Variants in SNAP25 observed in about 807,000 individuals in gnomAD.
SNAP25 encodes the protein synaptosome associated protein 25.
A neutral mutation model predicts 28.7 loss-of-function variants in SNAP25; 3 were observed. The ratio of observed to expected loss-of-function variants is 0.10; its 90% CI spans 0.05 to 0.27. The LOEUF (loss-of-function observed/expected upper bound fraction) is 0.27, where lower values mean the gene tolerates loss of function less well. Ranked by LOEUF, SNAP25 falls within the 10% of genes least tolerant of loss-of-function variation. The pLI, the probability that SNAP25 is intolerant of heterozygous loss-of-function variation, is 1.00. For missense variants in SNAP25, 117 were observed against 278.7 expected, an observed-to-expected ratio of 0.42 and a Z score of 4.13; for synonymous variants, 61 against 88.1, an observed-to-expected ratio of 0.69 and a Z score of 1.72.
chr20:10,283,563 G>A (rs2063818585), intron 3 of SNAP25, among the ~76,000 whole-genome samples: 1 of 152,194 alleles, frequency 6.6e-6, no homozygotes, highest in Admixed American at 6.5e-5. Context: ...GTTTATAAAA[G>A]CTCACAGAAA....
chr20:10,219,470 A>G (rs2062582805), intron 1 of SNAP25: 1 of 152,220 alleles, frequency 6.6e-6, no homozygotes, highest in Non-Finnish European at 1.5e-5. Flanking sequence ...TGCTGCAGCG[A>G]CAGCAGCCTC....
intron 1 of SNAP25, among the ~76,000 whole-genome samples, chr20:10,248,041 T>C (rs976110489): frequency 7.2e-5 from 11 of 152,192 alleles, no homozygotes; most frequent in African/African-American, 2.7e-4. Context: ...AGCCTGGGTT[T>C]GTTCACCTAA....
intron 1 of SNAP25, among the ~76,000 whole-genome samples, chr20:10,222,566 G>A (rs890463851): frequency 5.9e-5 from 9 of 152,208 alleles, no homozygotes; most frequent in African/African-American, 1.9e-4. Context: ...GGAGCCTTCT[G>A]TGGAAGGCTT....
Position 10,293,403 on chromosome 20 carries a change from T to C in SNAP25, c.281+125T>C. The C allele has an allele frequency of 1.5e-6, 1 of 680,594 alleles. No homozygotes were observed. The highest frequency in any genetic ancestry group is 1.8e-5 in the South Asian group (1 of 54,822). The allele number at this position is 680,594 out of a possible 1,614,324, so 42.2% of individuals were successfully genotyped here. On this transcript the variant is annotated intron_variant, in intron 5 of 7. Transcript: ENST00000254976. The surrounding 1 kb of genome is among the most constrained non-coding windows in gnomAD (Gnocchi z 5.6). Reference sequence around the variant, plus strand: ...TGGCATGCAGAACAGATCAATACCGTCTCCAATGCATTCATCTCATAGCAT... The same window carrying C: ...TGGCATGCAGAACAGATCAATACCGCCTCCAATGCATTCATCTCATAGCAT...
chr20:10,244,298 C>G (rs1418273106), intron 1 of SNAP25, among the ~76,000 whole-genome samples: 1 of 152,168 alleles, frequency 6.6e-6, no homozygotes, highest in Non-Finnish European at 1.5e-5. Context: ...TAAGTTAGAA[C>G]TTACATTTGG....
intron 1 of SNAP25, among the ~76,000 whole-genome samples, chr20:10,224,325 C>T (rs1014970097): frequency 1.7e-5 from 2 of 117,858 alleles, no homozygotes; most frequent in Non-Finnish European, 3.2e-5. Context: ...GGTAGCAAGG[C>T]CTGAAGGTAA....
rs966624621 is a variant in SNAP25 at position 10,255,654 on chromosome 20, T to C, written c.-63-19775T>C. On this transcript the variant is annotated intron_variant, in intron 1 of 7. Coordinates refer to ENST00000254976, the MANE Select transcript of SNAP25 (RefSeq NM_130811.4). ...CATTAAAAATATTAGTAGGCAAATC[T>C]ACCTTTTCTGTGATTTAACACAGGA... 2.0e-5 allele frequency among the ~76,000 whole-genome samples: 3 copies of C among 152,234 alleles called. No individual in the cohort carries two copies. In the South Asian group the frequency reaches 6.2e-4, roughly 32 times the overall value.
intron 1 of SNAP25, among the ~76,000 whole-genome samples, chr20:10,245,435 C>T (rs1260420497): frequency 7.9e-5 from 12 of 152,124 alleles, no homozygotes; most frequent in South Asian, 2.1e-4. Flanking sequence ...CACCCTCCTT[C>T]GCTTTTAGGT....
At chr20:10,255,726 T>G (rs918972993) in intron 1 of SNAP25, among the ~76,000 whole-genome samples, 1 of 152,256 alleles carries the variant, frequency 6.6e-6, no homozygotes, top group Admixed American at 6.5e-5. Context: ...AATATTTTTC[T>G]GTTTTCTTGG....
rs565720555 is a variant in SNAP25 at position 10,239,061 on chromosome 20, G to C, written c.-64+20084G>C. On this transcript the variant is annotated intron_variant, in intron 1 of 7. Coordinates refer to ENST00000254976, the MANE Select transcript of SNAP25 (RefSeq NM_130811.4). ...AGTTAGACCACAACATAATGTGACA[G>C]AGGTTGTTGATGGAAAATGCCCTGG... Among the ~76,000 whole-genome samples, 11 of 152,310 alleles carry C rather than the reference G, an allele frequency of 7.2e-5. No homozygotes were observed. The South Asian group carries it at 1.0e-3, about 14-fold the overall frequency.
chr20:10,304,211 C>G (rs1040405215), intron 7 of SNAP25, among the ~76,000 whole-genome samples: 2 of 152,150 alleles, frequency 1.3e-5, no homozygotes, highest in Non-Finnish European at 2.9e-5. Flanking sequence ...TTCCCCAGAT[C>G]GTTTCTGACT....
chr20:10,275,452 AC>A lies in SNAP25; in HGVS notation c.-34del, dbSNP rs753068831. The A allele has an allele frequency of 1.4e-5, 22 of 1,561,532 alleles. No individual in the cohort carries two copies. Among genetic ancestry groups the A allele is most frequent in the South Asian group, 1.3e-4 (11 of 84,684 alleles). On this transcript the variant is annotated 5_prime_UTR_variant, in exon 2 of 8. Coordinates refer to ENST00000254976, the MANE Select transcript of SNAP25 (RefSeq NM_130811.4). ...AGGTCCAGAGCCAAACCCGTCACTG[AC>A]CCCCCAGCCCAGGCGCCCAGCCACT...
At chr20:10,258,309 A>G (rs1454856897) in intron 1 of SNAP25, among the ~76,000 whole-genome samples, 1 of 152,220 alleles carries the variant, frequency 6.6e-6, no homozygotes, top group Non-Finnish European at 1.5e-5. Flanking sequence ...CAGCTTTACC[A>G]TCTTGTTGGC....
chr20:10,225,695 T>C (rs2062723921), intron 1 of SNAP25, among the ~76,000 whole-genome samples: 1 of 152,136 alleles, frequency 6.6e-6, no homozygotes, highest in Non-Finnish European at 1.5e-5. Context: ...TCCAAGGTGG[T>C]CCATTTTTAC....
At position 10,275,514 on chromosome 20, in the gene SNAP25, G is replaced by A. The variant is rs374115269; in HGVS notation, c.23G>A (p.Arg8His). MAEDADM[R>H]NELEEMQRRA... is the part of the protein sequence containing the mutation. ...ACCATGGCCGAAGACGCAGACATGC[G>A]CAATGAGCTGGAGGAGATGCAGCGA... is the stretch of plus-strand genomic sequence containing the variant. The change falls in exon 2 of 8, where the codon CGC becomes CAC. Residue 8 changes from arginine to histidine, a missense_variant. Around this residue, in one of 3 missense-constraint regions of SNAP25, gnomAD observed 29 missense variants for 53.5 expected, o/e 0.54. Transcript: ENST00000254976. 18 of 1,605,980 alleles carry A rather than the reference G, an allele frequency of 1.1e-5. No homozygotes were observed. The African/African-American group carries it at 1.5e-4, about 13-fold the overall frequency.
intron 1 of SNAP25, among the ~76,000 whole-genome samples, chr20:10,252,102 T>C (rs2063239844): frequency 6.6e-6 from 1 of 152,230 alleles, no homozygotes; most frequent in Non-Finnish European, 1.5e-5. Context: ...CTTGGAAACA[T>C]TCTGTACATC....
At chr20:10,232,358 A>G (rs570913452) in intron 1 of SNAP25, among the ~76,000 whole-genome samples, 6 of 152,362 alleles carry the variant, frequency 3.9e-5, no homozygotes, top group African/African-American at 1.4e-4. Flanking sequence ...TGTGATTTCC[A>G]TGCTGGAACC....
At chr20:10,234,082 A>C (rs1403737302) in intron 1 of SNAP25, among the ~76,000 whole-genome samples, 1 of 152,174 alleles carries the variant, frequency 6.6e-6, no homozygotes, top group Non-Finnish European at 1.5e-5. Flanking sequence ...AGATAGACTT[A>C]AGTTTTTTCA....
chr20:10,260,723 AAAC>A (rs2063399603), intron 1 of SNAP25, among the ~76,000 whole-genome samples: 7 of 145,830 alleles, frequency 4.8e-5, no homozygotes, highest in Non-Finnish European at 9.0e-5. Context: ...ACACACACAC[AAAC>A]ACACACACAC....
Sources: gnomAD v4.1 joint callset for allele counts (sites outside exome capture counted in the v4.1 genomes callset) on GRCh38, gnomAD v4.1.1 for gene constraint, gnomAD v4.1.1 regional missense constraint, Gnocchi (gnomAD v3.1) non-coding constraint, MANE v1.5 for transcripts, NCBI Gene and HGNC (gene_info 2026-07-23, HGNC 2026-07-21) for gene names.